Variants in ATXN3 observed in about 807,000 individuals in gnomAD.
ATXN3 encodes the protein ataxin-3.
A neutral mutation model predicts 58.2 loss-of-function variants in ATXN3; 28 were observed. That is an observed-to-expected ratio of 0.48 (90% CI 0.36 to 0.66). ATXN3 has a LOEUF of 0.66. Among genes scored for constraint, ATXN3 ranks in the 30% least tolerant of loss-of-function variants. The pLI, the probability that ATXN3 is intolerant of heterozygous loss-of-function variation, is 0.00. For synonymous variants in ATXN3, 113 were observed against 138.5 expected, an observed-to-expected ratio of 0.82 and a Z score of 1.29; for missense variants, 321 against 422.1, an observed-to-expected ratio of 0.76 and a Z score of 2.10.
chr14:92,053,026 C>T (rs2057453712), upstream of ATXN3, among the ~76,000 whole-genome samples: 1 of 152,090 alleles, frequency 6.6e-6, no homozygotes, highest in African/African-American at 2.4e-5. Context: ...CCGAGGCAGG[C>T]AGATCACCTG....
At chr14:92,052,260 T>C (rs1420630148), upstream of ATXN3, among the ~76,000 whole-genome samples, 2 of 151,820 alleles carry the variant, frequency 1.3e-5, no homozygotes, top group African/African-American at 2.4e-5. Flanking sequence ...TTTGGGAGGC[T>C]GAGGCGGGCG....
At chr14:92,080,247 G>A (rs1303738273) in intron 9 of ATXN3, among the ~76,000 whole-genome samples, 2 of 152,124 alleles carry the variant, frequency 1.3e-5, no homozygotes, top group Admixed American at 6.6e-5. Context: ...AAGCGGCCAT[G>A]AGCAGCTAAA....
chr14:92,058,015 GAACA>G (rs1372746605), downstream of ATXN3, among the ~76,000 whole-genome samples: 1 of 152,090 alleles, frequency 6.6e-6, no homozygotes, highest in South Asian at 2.1e-4. Context: ...TGGGCCAGTT[GAACA>G]AACATTTAAA....
chr14:92,081,929 GTAAAA>G (rs1279089195), intron 8 of ATXN3, among the ~76,000 whole-genome samples: 4 of 152,148 alleles, frequency 2.6e-5, no homozygotes, highest in Non-Finnish European at 1.5e-5. Flanking sequence ...TTGGGTTTTT[GTAAAA>G]TCAGTTTATA....
intron 1 of ATXN3, among the ~76,000 whole-genome samples, chr14:92,048,568 G>A (rs753146114): frequency 3.9e-5 from 6 of 152,212 alleles, no homozygotes; most frequent in South Asian, 4.1e-4. Flanking sequence ...GAGCCTAAAC[G>A]CTAACTGATT....
intron 9 of ATXN3, among the ~76,000 whole-genome samples, chr14:92,074,178 T>C (rs2059950238): frequency 6.6e-6 from 1 of 151,084 alleles, no homozygotes; most frequent in African/African-American, 2.4e-5. Flanking sequence ...AATAAGAAAA[T>C]TGGCTGGGCA....
chr14:92,066,958 C>A (rs2058565512), intron 10 of ATXN3, among the ~76,000 whole-genome samples: 1 of 151,914 alleles, frequency 6.6e-6, no homozygotes, highest in Non-Finnish European at 1.5e-5. Flanking sequence ...TTAGTAGAGA[C>A]AGGGTTTCCC....
intron 1 of ATXN3, among the ~76,000 whole-genome samples, chr14:92,104,653 C>A (rs576667459): frequency 6.6e-6 from 1 of 151,576 alleles, no homozygotes; most frequent in Non-Finnish European, 1.5e-5. Flanking sequence ...TGGCCGGGTG[C>A]GGTGGCTCAC....
intron 6 of ATXN3, among the ~76,000 whole-genome samples, chr14:92,086,115 T>C (rs1042588773): frequency 6.6e-6 from 1 of 151,894 alleles, no homozygotes; most frequent in African/African-American, 2.4e-5. Context: ...CAAATACCAT[T>C]ACTAAAAGAT....
At chr14:92,093,363 T>G in intron 4 of ATXN3, 45 bp from the exon 5 acceptor site, 1 of 984,744 alleles carries the variant, frequency 1.0e-6, no homozygotes, top group Non-Finnish European at 1.5e-6. Flanking sequence ...ATTGAATTCA[T>G]ATTTATGTTG....
chr14:92,074,833 C>T (rs2060061384), intron 9 of ATXN3, among the ~76,000 whole-genome samples: 1 of 152,216 alleles, frequency 6.6e-6, no homozygotes, highest in Middle Eastern at 3.2e-3. Context: ...TTGTGTCTCT[C>T]CTTGTTATAG....
At chr14:92,052,476 C>T (rs967263020), upstream of ATXN3, among the ~76,000 whole-genome samples, 11 of 151,012 alleles carry the variant, frequency 7.3e-5, no homozygotes, top group African/African-American at 2.4e-4. Context: ...GCAACAAGAG[C>T]GAAACTCCAT....
intron 2 of ATXN3, chr14:92,044,978 A>C (rs953043939): frequency 1.3e-5 from 2 of 152,162 alleles, no homozygotes; most frequent in Non-Finnish European, 2.9e-5. Context: ...ACAAGAGAAG[A>C]TTAGCAGCCT....
At chr14:92,092,086 C>T (rs1311044861) in intron 5 of ATXN3, among the ~76,000 whole-genome samples, 1 of 143,946 alleles carries the variant, frequency 6.9e-6, no homozygotes, top group African/African-American at 2.6e-5. Flanking sequence ...CCATGTTTCC[C>T]GTGCCTCTCT....
intron 1 of ATXN3, among the ~76,000 whole-genome samples, chr14:92,102,850 C>T (rs2067156452): frequency 6.6e-6 from 1 of 152,170 alleles, no homozygotes; most frequent in Admixed American, 6.6e-5. Context: ...GGTTTCAAAA[C>T]CTGTGCTATT....
chr14:92,059,001 G>A lies in ATXN3; in HGVS notation c.*5319C>T, dbSNP rs892823507. The A allele has an allele frequency of 3.3e-5, 5 of 150,582 alleles. No individual in the cohort carries two copies. The highest frequency in any genetic ancestry group is 4.4e-5 in the Non-Finnish European group (3 of 67,852). 9.3% of individuals were successfully genotyped at this position (150,582 alleles called of 1,614,324 possible). A position where few individuals can be genotyped will look rare whatever the true frequency, so the allele number is the denominator to read the frequency against. On this transcript the variant is annotated 3_prime_UTR_variant, in exon 11 of 11. Transcript: ENST00000644486. The stretch of plus-strand genomic sequence containing the variant: ...AAAACATTCCTTGAACTATGCAAGA[G>A]ACAATTGAGAGCTTCCTAAATGCAT...
chr14:92,098,318 T>C (rs2065895384), intron 1 of ATXN3, among the ~76,000 whole-genome samples: 1 of 152,136 alleles, frequency 6.6e-6, no homozygotes, highest in Admixed American at 6.6e-5. Context: ...TCAAGCATGG[T>C]GGCTCACACC....
chr14:92,059,375 CA>C lies in ATXN3; in HGVS notation c.*4944del, dbSNP rs1418346137. On this transcript the variant is annotated 3_prime_UTR_variant, in exon 11 of 11. Transcript: ENST00000644486. ...AAAAAGATGCTGGTTATAAAGGGGC[CA>C]GAAATAAAAGAAAGTTTTTATTTTG... is the stretch of plus-strand genomic sequence containing the variant. 1 of 151,924 alleles carries C rather than the reference CA, an allele frequency of 6.6e-6. No homozygotes were observed. Among genetic ancestry groups the C allele is most frequent in the Non-Finnish European group, 1.5e-5 (1 of 68,006 alleles). 9.4% of individuals were successfully genotyped at this position (151,924 alleles called of 1,614,324 possible).
At chr14:92,077,352 C>CT (rs111249502) in intron 9 of ATXN3, among the ~76,000 whole-genome samples, 25,032 of 147,280 alleles carry the variant, frequency 0.17, 2,372 homozygotes, top group African/African-American at 0.27. Flanking sequence ...AGTATGCTTT[C>CT]TTTTTTTTTT....
Sources: gnomAD v4.1 joint callset for allele counts (sites outside exome capture counted in the v4.1 genomes callset) on GRCh38, gnomAD v4.1.1 for gene constraint, MANE v1.5 for transcripts, NCBI Gene and HGNC (gene_info 2026-07-23, HGNC 2026-07-21) for gene names.